The following KIDINS220 variants were observed in gnomAD, a reference collection of about 807,000 sequenced individuals.
The protein encoded by KIDINS220 is kinase D-interacting substrate of 220 kDa.
Under a neutral mutation model 157.6 loss-of-function variants are expected in KIDINS220, and 63 were observed. The ratio of observed to expected loss-of-function variants is 0.40; its 90% CI spans 0.33 to 0.49. The LOEUF (loss-of-function observed/expected upper bound fraction) is 0.49, where lower values mean the gene tolerates loss of function less well. Among genes scored for constraint, KIDINS220 ranks in the 20% least tolerant of loss-of-function variants. The probability of loss-of-function intolerance (pLI) is 0.66; values close to 1 mark genes in which losing one functional copy is unlikely to be tolerated. For missense variants in KIDINS220, 1,772 were observed against 2,171.2 expected (o/e 0.82, Z 3.65); for synonymous variants, 732 against 783.6 (o/e 0.93, Z 1.10).
chr2:8,777,665 G>A (rs968902031), intron 20 of KIDINS220, among the ~76,000 whole-genome samples: 3 of 151,972 alleles, frequency 2.0e-5, no homozygotes, highest in Non-Finnish European at 4.4e-5. Flanking sequence ...TCCTCACATC[G>A]CCACATGAAC....
Position 8,796,872 on chromosome 2 carries a change from G to A in KIDINS220, c.1000-3C>T. 6.2e-7 allele frequency: 1 copy of A among 1,610,234 alleles called. No individual in the cohort carries two copies. Among genetic ancestry groups the A allele is most frequent in the Non-Finnish European group, 8.5e-7 (1 of 1,176,516 alleles). ...TTTATAAGTGGCGTTTCACCATCCT[G>A]TGGGCACAAATAAGAACATTTGCCA... On this transcript the variant is annotated splice_polypyrimidine_tract_variant and splice_region_variant and intron_variant, in intron 10 of 29. Coordinates refer to ENST00000256707, the MANE Select transcript of KIDINS220 (RefSeq NM_020738.4).
intron 23 of KIDINS220, among the ~76,000 whole-genome samples, chr2:8,751,232 A>C (rs899926655): frequency 6.7e-6 from 1 of 150,290 alleles, no homozygotes; most frequent in African/African-American, 2.4e-5. Flanking sequence ...ATAAAGTGAG[A>C]TCCACAAATA....
intron 17 of KIDINS220, among the ~76,000 whole-genome samples, chr2:8,782,609 T>C (rs1001350685): frequency 3.9e-5 from 6 of 152,200 alleles, no homozygotes; most frequent in South Asian, 2.1e-4. Flanking sequence ...GAAGAAATTA[T>C]ACCAACTCTA....
Position 8,796,961 on chromosome 2 carries a change from T to C in KIDINS220, c.1000-92A>G. ...GCACATGTCAAGAAATATCTGACTCTGGTAACAGCCTATATTTAAAACCCT... is the reference window on the plus strand; with the variant it reads ...GCACATGTCAAGAAATATCTGACTCCGGTAACAGCCTATATTTAAAACCCT... On this transcript the variant is annotated intron_variant, in intron 10 of 29. Coordinates refer to ENST00000256707, the MANE Select transcript of KIDINS220 (RefSeq NM_020738.4). The C allele has an allele frequency of 3.2e-6, 3 of 927,040 alleles. No individual in the cohort carries two copies. The Admixed American group carries it at 5.3e-5, about 16-fold the overall frequency. 57.4% of individuals were successfully genotyped at this position (927,040 alleles called of 1,614,324 possible). A position where few individuals can be genotyped will look rare whatever the true frequency, so the allele number is the denominator to read the frequency against.
At chr2:8,825,730 C>A (rs1678682599) in intron 2 of KIDINS220, 1 of 152,132 alleles carries the variant, frequency 6.6e-6, no homozygotes, top group African/African-American at 2.4e-5. Flanking sequence ...CAAACACATA[C>A]CCTGATACTT....
intron 22 of KIDINS220, among the ~76,000 whole-genome samples, chr2:8,769,448 T>A (rs1669894738): frequency 6.6e-6 from 1 of 152,222 alleles, no homozygotes; most frequent in Non-Finnish European, 1.5e-5. Context: ...TTATTCTTTT[T>A]TATGACACAT....
At chr2:8,751,942 T>G (rs751835285) in intron 22 of KIDINS220, among the ~76,000 whole-genome samples, 13 of 152,124 alleles carry the variant, frequency 8.5e-5, no homozygotes, top group Non-Finnish European at 1.6e-4. Context: ...TGATCTAAGT[T>G]GATCCACCCA....
chr2:8,737,561 T>C (rs1481920731), intron 26 of KIDINS220, among the ~76,000 whole-genome samples: 1 of 152,224 alleles, frequency 6.6e-6, no homozygotes, highest in Non-Finnish European at 1.5e-5. Context: ...TGTTAAATCA[T>C]GATGTAAATA....
At chr2:8,723,965 T>G (rs1047777922), downstream of KIDINS220, 1 of 152,356 alleles carries the variant, frequency 6.6e-6, no homozygotes, top group African/African-American at 2.4e-5. Flanking sequence ...TTTTCCTTTT[T>G]GAGACATGTT....
In KIDINS220 at chr2:8,787,423, C is replaced by T. The variant is rs180919973; in HGVS notation, c.1788-1066G>A. Among the ~76,000 whole-genome samples, 645 of 150,658 alleles carry T rather than the reference C, an allele frequency of 4.3e-3. 1 individual carries two copies. The highest frequency in any genetic ancestry group is 0.027 in the Middle Eastern group (8 of 294). On this transcript the variant is annotated intron_variant, in intron 15 of 29. Coordinates refer to ENST00000256707, the MANE Select transcript of KIDINS220 (RefSeq NM_020738.4). ...TCACTTTGTCACCTAGGCTGCAGTG[C>T]GGTGGCGTGATCTTGGCTCACTGTA... is the stretch of plus-strand genomic sequence containing the variant.
At chr2:8,788,022 C>G (rs961750509) in intron 15 of KIDINS220, among the ~76,000 whole-genome samples, 6 of 152,110 alleles carry the variant, frequency 3.9e-5, no homozygotes, top group Non-Finnish European at 2.9e-5. Context: ...GTGCTCTCTT[C>G]AAAGTGTGTT....
chr2:8,758,415 G>A (rs1327329126), intron 22 of KIDINS220, among the ~76,000 whole-genome samples: 1 of 152,092 alleles, frequency 6.6e-6, no homozygotes, highest in Admixed American at 6.6e-5. Context: ...ACTCCAACTC[G>A]AGGCACCTCT....
At chr2:8,771,397 T>C (rs1465514610) in intron 21 of KIDINS220, among the ~76,000 whole-genome samples, 1 of 152,212 alleles carries the variant, frequency 6.6e-6, no homozygotes, top group Non-Finnish European at 1.5e-5. Context: ...AAAACAACCC[T>C]GTCTATTGCT....
chr2:8,810,894 C>T (rs1676206110), intron 6 of KIDINS220, among the ~76,000 whole-genome samples: 1 of 152,194 alleles, frequency 6.6e-6, no homozygotes. Flanking sequence ...TTCTTAAATG[C>T]CATATCATAA....
Position 8,736,420 on chromosome 2 carries a change from A to G in KIDINS220, c.3717+448T>C, listed in dbSNP as rs540519898. Among the ~76,000 whole-genome samples the G allele has an allele frequency of 5.9e-5, 9 of 152,370 alleles. 1 individual carries two copies. The East Asian group carries it at 1.7e-3, about 29-fold the overall frequency. On this transcript the variant is annotated intron_variant, in intron 27 of 29. Coordinates refer to ENST00000256707, the MANE Select transcript of KIDINS220 (RefSeq NM_020738.4). ...AATGTGACATGATCCTAAGTCCTAC[A>G]TGACATGAAAATGAGAATTTGGAGA...
Position 8,790,024 on chromosome 2 carries a change from G to C in KIDINS220, c.1477C>G (p.Pro493Ala). 1.2e-6 allele frequency: 2 copies of C among 1,604,102 alleles called. No individual in the cohort carries two copies. Among genetic ancestry groups the C allele is most frequent in the Non-Finnish European group, 1.7e-6 (2 of 1,177,598 alleles). The part of the protein sequence containing the change: ...MKTFAGQQIE[P>A]LFQFSWLIVF... ...ATGAGCCATGAGAACTGAAAGAGAG[G>C]CTCAATCTGTTGTCCGGCGAAGGTT... The change falls in exon 14 of 30, where the codon CCT becomes GCT. Residue 493 changes from proline to alanine, a missense_variant. Physicochemically the swap from Pro to Ala is conservative, Grantham distance 27. Transcript: ENST00000256707.
intron 1 of KIDINS220, among the ~76,000 whole-genome samples, chr2:8,835,539 G>GA (rs1680275122): frequency 6.6e-6 from 1 of 151,104 alleles, no homozygotes. Flanking sequence ...GATATGAACA[G>GA]AAAAGAGACT....
chr2:8,782,560 C>T (rs994354390), intron 17 of KIDINS220, among the ~76,000 whole-genome samples: 2 of 152,108 alleles, frequency 1.3e-5, no homozygotes, highest in Non-Finnish European at 2.9e-5. Context: ...AAGCACCAGG[C>T]CCAGAGGGTT....
downstream of KIDINS220, among the ~76,000 whole-genome samples, chr2:8,727,944 C>G (rs1482391747): frequency 1.3e-5 from 2 of 152,218 alleles, no homozygotes; most frequent in South Asian, 4.1e-4. Flanking sequence ...AAAGCCTGTA[C>G]TCACAGGCAG....
Sources: gnomAD v4.1 joint callset for allele counts (sites outside exome capture counted in the v4.1 genomes callset) on GRCh38, gnomAD v4.1.1 for gene constraint, MANE v1.5 for transcripts, NCBI Gene and HGNC (gene_info 2026-07-23, HGNC 2026-07-21) for gene names.